The following PRICKLE1 variants were observed in gnomAD, a reference collection of about 807,000 sequenced individuals.
PRICKLE1 encodes prickle-like protein 1.
In PRICKLE1, 14 loss-of-function variants were observed where a neutral mutation model predicts 70.2. The observed-to-expected ratio is 0.20, with a 90% CI of 0.13 to 0.31. The LOEUF (loss-of-function observed/expected upper bound fraction) is 0.31, where lower values mean the gene tolerates loss of function less well. PRICKLE1 is among the 10% of genes least tolerant of loss of function. The probability of loss-of-function intolerance (pLI) is 1.00; values close to 1 mark genes in which losing one functional copy is unlikely to be tolerated. For synonymous variants in PRICKLE1, 357 were observed against 379.9 expected, an observed-to-expected ratio of 0.94 and a Z score of 0.70; for missense variants, 821 against 1,026.2, an observed-to-expected ratio of 0.80 and a Z score of 2.73.
intron 1 of PRICKLE1, among the ~76,000 whole-genome samples, chr12:42,531,264 T>A (rs1282881023): frequency 1.3e-5 from 2 of 151,512 alleles, no homozygotes; most frequent in Non-Finnish European, 2.9e-5. Flanking sequence ...GCCAGGATGG[T>A]CTCGATCTCC....
At chr12:42,493,583 G>C (rs1939141421) in intron 1 of PRICKLE1, among the ~76,000 whole-genome samples, 1 of 152,116 alleles carries the variant, frequency 6.6e-6, no homozygotes, top group African/African-American at 2.4e-5. Context: ...TTGTTTATGA[G>C]ACCACTAATA....
chr12:42,513,090 C>T (rs34144228), intron 1 of PRICKLE1, among the ~76,000 whole-genome samples: 6,389 of 152,144 alleles, frequency 0.042, 159 homozygotes, highest in South Asian at 0.083. Context: ...CTCAACCTCC[C>T]GAGTAACATT....
rs1555229314 is a variant in PRICKLE1 at position 42,460,262 on chromosome 12, G to A, written c.2043C>T (p.Ser681=). The A allele has an allele frequency of 1.2e-6, 2 of 1,614,132 alleles. No homozygotes were observed. Among genetic ancestry groups the A allele is most frequent in the Non-Finnish European group, 1.7e-6 (2 of 1,180,042 alleles). The change falls in exon 8 of 8, where the codon TCC becomes TCT. Residue 681 remains serine (S), a synonymous_variant. Coordinates refer to ENST00000345127, the MANE Select transcript of PRICKLE1 (RefSeq NM_153026.3). The part of the protein sequence containing the change: ...HHHRRRRSRK[S]RSDNALNLVT... ...CAAGATTCAGGGCATTGTCGGAGCG[G>A]GACTTTCTACTTCTCCGGCGGCGGT... is the stretch of plus-strand genomic sequence containing the variant.
At chr12:42,581,058 C>T (rs916648281) in intron 1 of PRICKLE1, among the ~76,000 whole-genome samples, 1 of 152,078 alleles carries the variant, frequency 6.6e-6, no homozygotes, top group African/African-American at 2.4e-5. Flanking sequence ...TAGACATCAC[C>T]TAATTTAATG....
In PRICKLE1 at chr12:42,473,719, TC is replaced by T. The variant is rs35967727; in HGVS notation, c.-48-1156del. 7.0e-3 allele frequency among the ~76,000 whole-genome samples: 1,073 copies of T among 152,218 alleles called. 6 individuals are homozygous for T. The highest frequency in any genetic ancestry group is 0.011 in the Non-Finnish European group (770 of 68,014). Reference sequence around the variant, plus strand: ...AGATTCAGGAAAGTCAAGAGACTTGTCCAAGGTCATATGGCTAAAAGCCAGA... The same window carrying T: ...AGATTCAGGAAAGTCAAGAGACTTGTCAAGGTCATATGGCTAAAAGCCAGA... On this transcript the variant is annotated intron_variant, in intron 1 of 7. Transcript: ENST00000345127.
At chr12:42,505,862 A>T (rs1360460381) in intron 1 of PRICKLE1, among the ~76,000 whole-genome samples, 1 of 152,214 alleles carries the variant, frequency 6.6e-6, no homozygotes. Context: ...ATTTTGACTC[A>T]GTAACTCTGA....
At chr12:42,529,622 C>A (rs904954299) in intron 1 of PRICKLE1, among the ~76,000 whole-genome samples, 4 of 152,304 alleles carry the variant, frequency 2.6e-5, no homozygotes, top group Middle Eastern at 3.4e-3. Context: ...AAGGCCGGTG[C>A]AGTGGCTCAT....
chr12:42,569,136 A>G (rs776056400), intron 1 of PRICKLE1, among the ~76,000 whole-genome samples: 1 of 152,202 alleles, frequency 6.6e-6, no homozygotes, highest in African/African-American at 2.4e-5. Context: ...TAATGGATAT[A>G]CCATCATTTT....
chr12:42,561,909 T>TC (rs1428356483), intron 1 of PRICKLE1, among the ~76,000 whole-genome samples: 10 of 138,256 alleles, frequency 7.2e-5, no homozygotes, highest in Non-Finnish European at 1.6e-5. Flanking sequence ...TCTTTTCTTT[T>TC]TTTTTTTTTT....
At chr12:42,482,997 G>GC (rs1158214826) in intron 1 of PRICKLE1, 1 of 152,272 alleles carries the variant, frequency 6.6e-6, no homozygotes, top group Non-Finnish European at 1.5e-5. Flanking sequence ...ACCGGCTCCA[G>GC]CCCCTCTCTG....
intron 1 of PRICKLE1, among the ~76,000 whole-genome samples, chr12:42,545,660 C>T (rs1566121089): frequency 1.3e-5 from 2 of 151,910 alleles, no homozygotes; most frequent in African/African-American, 2.4e-5. Context: ...ACCAGCCTGG[C>T]CAAAATGGTG....
At chr12:42,587,523 C>T (rs984027581) in intron 1 of PRICKLE1, among the ~76,000 whole-genome samples, 2 of 152,254 alleles carry the variant, frequency 1.3e-5, no homozygotes, top group African/African-American at 4.8e-5. Flanking sequence ...AGAGCACATG[C>T]ATTGTTAACC....
chr12:42,583,936 C>T (rs760148929), intron 1 of PRICKLE1, among the ~76,000 whole-genome samples: 1 of 152,098 alleles, frequency 6.6e-6, no homozygotes, highest in Non-Finnish European at 1.5e-5. Flanking sequence ...AGTTCTATTA[C>T]CTGTCCATTT....
chr12:42,521,008 C>A (rs746754232), intron 1 of PRICKLE1, among the ~76,000 whole-genome samples: 1 of 151,604 alleles, frequency 6.6e-6, no homozygotes, highest in Non-Finnish European at 1.5e-5. Context: ...CCATCTCTAC[C>A]AAAAATACAA....
chr12:42,488,845 T>C (rs187207414), intron 1 of PRICKLE1, among the ~76,000 whole-genome samples: 3 of 152,268 alleles, frequency 2.0e-5, no homozygotes, highest in Admixed American at 2.0e-4. Context: ...GAAATTATCA[T>C]TTAAAAATTA....
chr12:42,554,588 G>A (rs776404081), intron 1 of PRICKLE1, among the ~76,000 whole-genome samples: 5 of 152,154 alleles, frequency 3.3e-5, no homozygotes, highest in Admixed American at 1.3e-4. Context: ...TACTCAAAGG[G>A]CGAACTGGAA....
rs527344391 is a variant in PRICKLE1 at position 42,458,076 on chromosome 12, T to C, written c.*1733A>G. On this transcript the variant is annotated 3_prime_UTR_variant, in exon 8 of 8. Coordinates refer to ENST00000345127, the MANE Select transcript of PRICKLE1 (RefSeq NM_153026.3). ...ATCTGTGTAGCCCAGATACAAACCC[T>C]TGTGTGGGACGGCTGTCCACCTACT... The C allele has an allele frequency of 6.6e-6, 1 of 152,324 alleles. No homozygotes were observed. Among genetic ancestry groups the C allele is most frequent in the Admixed American group, 6.5e-5 (1 of 15,300 alleles). The allele number at this position is 152,324 out of a possible 1,614,324, so 9.4% of individuals were successfully genotyped here.
intron 1 of PRICKLE1, among the ~76,000 whole-genome samples, chr12:42,477,798 T>C (rs1376724468): frequency 2.0e-5 from 3 of 152,022 alleles, no homozygotes; most frequent in Non-Finnish European, 4.4e-5. Flanking sequence ...GTTGATCACA[T>C]GAAACGGGCA....
intron 1 of PRICKLE1, among the ~76,000 whole-genome samples, chr12:42,499,165 T>TA (rs112968052): frequency 3.3e-5 from 5 of 151,744 alleles, no homozygotes; most frequent in East Asian, 1.9e-4. Flanking sequence ...CATGTACATT[T>TA]AAAAAAAAAT....
Sources: gnomAD v4.1 joint callset for allele counts (sites outside exome capture counted in the v4.1 genomes callset) on GRCh38, gnomAD v4.1.1 for gene constraint, MANE v1.5 for transcripts, NCBI Gene and HGNC (gene_info 2026-07-23, HGNC 2026-07-21) for gene names.